CACNA2D3: variants seen among roughly 807,000 people sequenced by gnomAD.
CACNA2D3 encodes voltage-dependent calcium channel subunit alpha-2/delta-3.
In CACNA2D3, 60 loss-of-function variants were observed where a neutral mutation model predicts 160.6. That is an observed-to-expected ratio of 0.37 (90% CI 0.30 to 0.46). The LOEUF is 0.46. CACNA2D3 is among the 20% of genes least tolerant of loss of function. The pLI, the probability that CACNA2D3 is intolerant of heterozygous loss-of-function variation, is 1.00. For synonymous variants in CACNA2D3, 558 were observed against 492.9 expected, an observed-to-expected ratio of 1.13 and a Z score of -1.75; for missense variants, 1,205 against 1,365.0, an observed-to-expected ratio of 0.88 and a Z score of 1.85.
At chr3:54,860,861 A>G (rs1352834414) in intron 17 of CACNA2D3, among the ~76,000 whole-genome samples, 1 of 152,226 alleles carries the variant, frequency 6.6e-6, no homozygotes. Context: ...ACAAAAAAAT[A>G]GTGCCTACTA....
intron 11 of CACNA2D3, among the ~76,000 whole-genome samples, chr3:54,650,916 T>C: frequency 6.6e-6 from 1 of 152,224 alleles, no homozygotes; most frequent in East Asian, 1.9e-4. Context: ...ATGCTCCGTG[T>C]GTATCTAATT....
chr3:54,830,603 C>T (rs958810477), intron 14 of CACNA2D3, among the ~76,000 whole-genome samples: 3 of 151,334 alleles, frequency 2.0e-5, no homozygotes, highest in East Asian at 2.0e-4. Flanking sequence ...ACAGGAGTGC[C>T]CCCACCACGC....
chr3:54,388,583 C>T (rs1699228580), intron 4 of CACNA2D3, among the ~76,000 whole-genome samples: 1 of 152,178 alleles, frequency 6.6e-6, no homozygotes, highest in South Asian at 2.1e-4. Flanking sequence ...CGGCAGCTGG[C>T]CCAGCTCTTT....
chr3:54,285,580 T>C (rs939567423), intron 2 of CACNA2D3, among the ~76,000 whole-genome samples: 3 of 151,758 alleles, frequency 2.0e-5, no homozygotes, highest in Admixed American at 1.3e-4. Context: ...TTTAAGAGAG[T>C]AGTGGTTCTC....
intron 35 of CACNA2D3, among the ~76,000 whole-genome samples, chr3:55,032,445 C>T (rs190221044): frequency 2.0e-3 from 304 of 152,306 alleles, no homozygotes; most frequent in African/African-American, 7.0e-3. Context: ...TGCAAATCTC[C>T]ATTAGGTGTA....
chr3:54,658,308 A>G (rs1186337834), intron 11 of CACNA2D3, among the ~76,000 whole-genome samples: 1 of 152,206 alleles, frequency 6.6e-6, no homozygotes, highest in Non-Finnish European at 1.5e-5. Flanking sequence ...AACAGGGCAC[A>G]AGTGTTCTTC....
chr3:54,610,453 A>T (rs1291860094), intron 9 of CACNA2D3, among the ~76,000 whole-genome samples: 3 of 150,180 alleles, frequency 2.0e-5, no homozygotes, highest in Non-Finnish European at 1.5e-5. Context: ...TTTTTTTTTA[A>T]GTCCGTTTCA....
At chr3:54,172,743 T>G (rs906093909) in intron 2 of CACNA2D3, among the ~76,000 whole-genome samples, 2 of 152,248 alleles carry the variant, frequency 1.3e-5, no homozygotes, top group Non-Finnish European at 2.9e-5. Context: ...TTGTTTACAA[T>G]AACTCTTTGC....
chr3:54,571,612 A>AGTGTGTGTGTGTGT (rs58652360), intron 8 of CACNA2D3, among the ~76,000 whole-genome samples: 2 of 136,214 alleles, frequency 1.5e-5, no homozygotes, highest in East Asian at 2.2e-4. Context: ...CACTTAACCA[A>AGTGTGTGTGTGTGT]GTGTGTGTGT....
chr3:54,289,493 T>C (rs1410426116), intron 2 of CACNA2D3, among the ~76,000 whole-genome samples: 1 of 151,608 alleles, frequency 6.6e-6, no homozygotes, highest in Non-Finnish European at 1.5e-5. Context: ...CAAGGTAATT[T>C]ATAGATTCAA....
intron 2 of CACNA2D3, among the ~76,000 whole-genome samples, chr3:54,145,280 G>A (rs1700003423): frequency 6.6e-6 from 1 of 152,218 alleles, no homozygotes. Flanking sequence ...CGGAGTAAAT[G>A]GAGATATTTG....
At chr3:54,535,781 T>C (rs573965663) in intron 5 of CACNA2D3, among the ~76,000 whole-genome samples, 11 of 152,326 alleles carry the variant, frequency 7.2e-5, no homozygotes, top group African/African-American at 2.6e-4. Context: ...CAGGACATAT[T>C]GTCCAACTAA....
intron 2 of CACNA2D3, among the ~76,000 whole-genome samples, chr3:54,297,665 A>C (rs1575378930): frequency 6.6e-6 from 1 of 151,610 alleles, no homozygotes; most frequent in East Asian, 1.9e-4. Flanking sequence ...CATCTTCTCA[A>C]ATCAGGGTGC....
At chr3:54,579,729 A>C (rs1702643427) in intron 8 of CACNA2D3, among the ~76,000 whole-genome samples, 1 of 152,208 alleles carries the variant, frequency 6.6e-6, no homozygotes, top group South Asian at 2.1e-4. Context: ...TCAGTCCAAC[A>C]GAGATTGAGA....
chr3:54,656,569 G>C (rs1219543063), intron 11 of CACNA2D3, among the ~76,000 whole-genome samples: 2 of 152,216 alleles, frequency 1.3e-5, no homozygotes, highest in Non-Finnish European at 2.9e-5. Context: ...GAGCTGAGCA[G>C]CACTGAGAAG....
intron 27 of CACNA2D3, among the ~76,000 whole-genome samples, chr3:54,923,980 G>A (rs560513875): frequency 1.1e-4 from 16 of 152,268 alleles, no homozygotes; most frequent in African/African-American, 4.8e-5. Context: ...TTACAGAAAC[G>A]GGAGATGGGC....
chr3:54,921,304 G>A lies in CACNA2D3; in HGVS notation c.2449+21436G>A, dbSNP rs537415757. Among the ~76,000 whole-genome samples the A allele has an allele frequency of 7.2e-5, 11 of 152,264 alleles. 1 individual carries two copies. The East Asian group carries it at 1.5e-3, about 21-fold the overall frequency. On this transcript the variant is annotated intron_variant, in intron 27 of 37. Transcript: ENST00000474759. ...GCCTCTGCTTGCTCATCTGGAAAGT[G>A]GGAGATGAGGATAATTAAAATTCAC...
intron 3 of CACNA2D3, among the ~76,000 whole-genome samples, chr3:54,356,548 A>C (rs1698652513): frequency 6.6e-6 from 1 of 151,978 alleles, no homozygotes; most frequent in African/African-American, 2.4e-5. Flanking sequence ...TCCCTGTGAA[A>C]CCCTTTATAA....
intron 3 of CACNA2D3, among the ~76,000 whole-genome samples, chr3:54,351,407 T>G (rs1172788560): frequency 6.6e-6 from 1 of 152,136 alleles, no homozygotes; most frequent in Non-Finnish European, 1.5e-5. Context: ...TGGGAAGTCA[T>G]ATAAACAAGA....
Sources: allele counts gnomAD v4.1 joint callset (sites outside exome capture counted in the v4.1 genomes callset), GRCh38; gene constraint gnomAD v4.1.1; transcripts MANE v1.5; gene names NCBI Gene and HGNC (gene_info 2026-07-23, HGNC 2026-07-21).